The following GRM3 variants were observed in gnomAD, a reference collection of about 807,000 sequenced individuals.
GRM3 encodes metabotropic glutamate receptor 3.
A neutral mutation model predicts 70.5 loss-of-function variants in GRM3; 26 were observed. The observed-to-expected ratio is 0.37, with a 90% CI of 0.27 to 0.51. The LOEUF is 0.51. Among genes scored for constraint, GRM3 ranks in the 20% least tolerant of loss-of-function variants. GRM3 has a pLI of 0.93. For synonymous variants in GRM3, 443 were observed against 434.9 expected, an observed-to-expected ratio of 1.02 and a Z score of -0.23; for missense variants, 859 against 1,123.8, an observed-to-expected ratio of 0.76 and a Z score of 3.37.
At position 86,797,290 on chromosome 7, in the gene GRM3, G is replaced by A. The variant is rs189939022; in HGVS notation, c.1324+10174G>A. Among the ~76,000 whole-genome samples, 26 of 152,304 alleles carry A rather than the reference G, an allele frequency of 1.7e-4. 1 individual carries two copies. The highest frequency in any genetic ancestry group is 5.5e-4 in the African/African-American group (23 of 41,580). Reference sequence around the variant, plus strand: ...TCCTAGAAACTTGTTGAATGGTTTTGACCAAAATGCTGATAGTAATATGGA... The same window carrying A: ...TCCTAGAAACTTGTTGAATGGTTTTAACCAAAATGCTGATAGTAATATGGA... On this transcript the variant is annotated intron_variant, in intron 3 of 5. Coordinates refer to ENST00000361669, the MANE Select transcript of GRM3 (RefSeq NM_000840.3).
chr7:86,758,729 A>G (rs972683595), intron 1 of GRM3, among the ~76,000 whole-genome samples: 7 of 152,166 alleles, frequency 4.6e-5, no homozygotes, highest in South Asian at 4.1e-4. Flanking sequence ...TTTCCTCTAA[A>G]TTCAGAAGAT....
chr7:86,671,624 G>A (rs1196333113), intron 1 of GRM3, among the ~76,000 whole-genome samples: 1 of 152,068 alleles, frequency 6.6e-6, no homozygotes, highest in Non-Finnish European at 1.5e-5. Context: ...TGTCAACATT[G>A]GAAATTGCTT....
chr7:86,649,728 G>A (rs548721266), intron 1 of GRM3, among the ~76,000 whole-genome samples: 2 of 152,048 alleles, frequency 1.3e-5, no homozygotes, highest in African/African-American at 2.4e-5. Flanking sequence ...GGAATATTAG[G>A]AGTATAAAAT....
intron 2 of GRM3, among the ~76,000 whole-genome samples, chr7:86,766,299 TG>T (rs1304431874): frequency 1.3e-5 from 2 of 152,076 alleles, no homozygotes; most frequent in African/African-American, 4.8e-5. Flanking sequence ...AGCATTTTTT[TG>T]TTCAGAGATA....
chr7:86,648,908 G>C (rs1242741529), intron 1 of GRM3, among the ~76,000 whole-genome samples: 2 of 152,050 alleles, frequency 1.3e-5, no homozygotes, highest in East Asian at 3.8e-4. Flanking sequence ...CAGTAGAGGA[G>C]TAAATGATAT....
intron 1 of GRM3, among the ~76,000 whole-genome samples, chr7:86,739,233 T>C (rs747343070): frequency 6.6e-6 from 1 of 152,202 alleles, no homozygotes; most frequent in Non-Finnish European, 1.5e-5. Context: ...CACCTTGGTC[T>C]CCTGAAGTGC....
At chr7:86,741,797 A>T (rs1236197101) in intron 1 of GRM3, among the ~76,000 whole-genome samples, 1 of 152,156 alleles carries the variant, frequency 6.6e-6, no homozygotes, top group Non-Finnish European at 1.5e-5. Flanking sequence ...ATTGCTAAGG[A>T]CCATTTTTGT....
At chr7:86,757,113 C>G (rs947844886) in intron 1 of GRM3, among the ~76,000 whole-genome samples, 5 of 152,124 alleles carry the variant, frequency 3.3e-5, no homozygotes, top group African/African-American at 1.2e-4. Context: ...TTATAATAGT[C>G]CAAGTTCTTG....
intron 1 of GRM3, among the ~76,000 whole-genome samples, chr7:86,662,709 T>A (rs568568290): frequency 1.2e-4 from 18 of 152,130 alleles, no homozygotes; most frequent in Non-Finnish European, 2.2e-4. Flanking sequence ...AATACTTAAC[T>A]TTTAGAAATC....
chr7:86,747,591 C>T (rs912021563), intron 1 of GRM3, among the ~76,000 whole-genome samples: 2 of 152,046 alleles, frequency 1.3e-5, no homozygotes, highest in African/African-American at 4.8e-5. Flanking sequence ...ACAAACAGAT[C>T]AATAAAGACC....
Position 86,786,739 on chromosome 7 carries a change from T to C in GRM3, c.947T>C (p.Val316Ala). The C allele has an allele frequency of 1.9e-6, 3 of 1,613,652 alleles. No individual in the cohort carries two copies. Among genetic ancestry groups the C allele is most frequent in the Non-Finnish European group, 2.5e-6 (3 of 1,180,002 alleles). Residue 316 changes from valine (V) to alanine (A), a missense_variant, in exon 3 of 6, where the codon GTG (valine) becomes GCG (alanine). Physicochemically the swap from Val to Ala is moderately conservative, Grantham distance 64. Coordinates refer to ENST00000361669, the MANE Select transcript of GRM3 (RefSeq NM_000840.3). This position sits in a 1 kb window ranked among gnomAD's most constrained non-coding sequence, Gnocchi z 6.0. ...AGCATCATCAAGGGCAGCGAGCATGTGGCCTACGGCGCCATCACCCTGGAG... is the reference window on the plus strand; with the variant it reads ...AGCATCATCAAGGGCAGCGAGCATGCGGCCTACGGCGCCATCACCCTGGAG... ...QESIIKGSEH[V>A]AYGAITLELA...
chr7:86,647,033 T>C (rs1035432589), intron 1 of GRM3, among the ~76,000 whole-genome samples: 3 of 152,158 alleles, frequency 2.0e-5, no homozygotes, highest in African/African-American at 7.2e-5. Flanking sequence ...TATAACGAAA[T>C]TGATTGAGCT....
At chr7:86,653,698 A>G (rs1182124945) in intron 1 of GRM3, among the ~76,000 whole-genome samples, 2 of 151,786 alleles carry the variant, frequency 1.3e-5, no homozygotes, top group Middle Eastern at 3.2e-3. Flanking sequence ...TTATATTAAT[A>G]TTAATATATT....
At chr7:86,696,459 A>C (rs1260559368) in intron 1 of GRM3, among the ~76,000 whole-genome samples, 1 of 152,156 alleles carries the variant, frequency 6.6e-6, no homozygotes, top group East Asian at 1.9e-4. Flanking sequence ...GCCTCCAAAA[A>C]AGAGGATAGC....
chr7:86,797,232 A>G (rs1041334638), intron 3 of GRM3, among the ~76,000 whole-genome samples: 5 of 152,228 alleles, frequency 3.3e-5, no homozygotes, highest in African/African-American at 1.2e-4. Context: ...AGGGCTCAGA[A>G]GAAGACAGGA....
At chr7:86,791,445 A>T (rs1181437627) in intron 3 of GRM3, among the ~76,000 whole-genome samples, 2 of 152,208 alleles carry the variant, frequency 1.3e-5, no homozygotes, top group Admixed American at 6.5e-5. Context: ...AAATGTAACC[A>T]AATATCATTA....
intron 3 of GRM3, among the ~76,000 whole-genome samples, chr7:86,799,224 A>G (rs942696529): frequency 1.3e-5 from 2 of 152,188 alleles, no homozygotes; most frequent in African/African-American, 2.4e-5. Flanking sequence ...ACTTTGCCAA[A>G]GTTGCTTATC....
intron 1 of GRM3, among the ~76,000 whole-genome samples, chr7:86,723,595 A>G (rs1342097747): frequency 1.3e-5 from 2 of 152,152 alleles, no homozygotes; most frequent in African/African-American, 4.8e-5. Context: ...AACTAAACTA[A>G]AATATATTTG....
intron 1 of GRM3, among the ~76,000 whole-genome samples, chr7:86,682,742 T>A (rs1460979668): frequency 6.6e-6 from 1 of 152,154 alleles, no homozygotes; most frequent in Non-Finnish European, 1.5e-5. Flanking sequence ...CAGCAACTAT[T>A]TATTGAGCTC....
Sources: allele counts gnomAD v4.1 joint callset (sites outside exome capture counted in the v4.1 genomes callset), GRCh38; gene constraint gnomAD v4.1.1; non-coding constraint Gnocchi (gnomAD v3.1); transcripts MANE v1.5; gene names NCBI Gene and HGNC (gene_info 2026-07-23, HGNC 2026-07-21).